The following CACNA2D3 variants were observed in gnomAD, a reference collection of about 807,000 sequenced individuals.
The protein encoded by CACNA2D3 is calcium voltage-gated channel auxiliary subunit alpha2delta 3.
CACNA2D3 carries 60 observed loss-of-function variants against 160.6 expected under a neutral mutation model. The observed-to-expected ratio is 0.37, with a 90% CI of 0.30 to 0.46. The LOEUF (loss-of-function observed/expected upper bound fraction) is 0.46. CACNA2D3 is among the 20% of genes least tolerant of loss of function. The pLI is 1.00. For synonymous variants in CACNA2D3, 558 were observed against 492.9 expected, an observed-to-expected ratio of 1.13 and a Z score of -1.75; for missense variants, 1,205 against 1,365.0, an observed-to-expected ratio of 0.88 and a Z score of 1.85.
chr3:54,414,690 T>G (rs1699725749), intron 4 of CACNA2D3, among the ~76,000 whole-genome samples: 1 of 152,016 alleles, frequency 6.6e-6, no homozygotes, highest in African/African-American at 2.4e-5. Context: ...TTTTCTATTG[T>G]GACTATAAGT....
At chr3:54,515,195 T>A (rs1350696916) in intron 5 of CACNA2D3, among the ~76,000 whole-genome samples, 4 of 142,812 alleles carry the variant, frequency 2.8e-5, no homozygotes, top group African/African-American at 1.1e-4. Flanking sequence ...TGTGTGTGTG[T>A]GTGTGAGAGA....
intron 4 of CACNA2D3, among the ~76,000 whole-genome samples, chr3:54,476,260 GTA>G (rs557345197): frequency 2.7e-5 from 4 of 148,232 alleles, no homozygotes; most frequent in East Asian, 2.0e-4. Context: ...GTGTGTGTGT[GTA>G]TATATATATA....
intron 4 of CACNA2D3, among the ~76,000 whole-genome samples, chr3:54,496,458 T>G (rs772694445): frequency 6.6e-6 from 1 of 152,196 alleles, no homozygotes; most frequent in Non-Finnish European, 1.5e-5. Context: ...CCTTCTTTTG[T>G]AAAGTGTCTG....
intron 2 of CACNA2D3, among the ~76,000 whole-genome samples, chr3:54,217,652 A>G (rs60828777): frequency 0.13 from 19,194 of 152,088 alleles, 1,712 homozygotes; most frequent in East Asian, 0.44. Context: ...AGGAACAGCA[A>G]GGAATGCCAG....
intron 2 of CACNA2D3, among the ~76,000 whole-genome samples, chr3:54,266,476 A>G (rs1702519646): frequency 6.6e-6 from 1 of 152,126 alleles, no homozygotes; most frequent in African/African-American, 2.4e-5. Flanking sequence ...GGAAAGAGAA[A>G]GGTGTTGGGT....
chr3:54,716,571 C>T (rs1475308403), intron 11 of CACNA2D3, among the ~76,000 whole-genome samples: 1 of 152,118 alleles, frequency 6.6e-6, no homozygotes, highest in Non-Finnish European at 1.5e-5. Context: ...AATATACATT[C>T]ATCTCTGGGT....
At chr3:54,791,969 A>G (rs1380174624) in intron 13 of CACNA2D3, among the ~76,000 whole-genome samples, 1 of 152,218 alleles carries the variant, frequency 6.6e-6, no homozygotes, top group Non-Finnish European at 1.5e-5. Flanking sequence ...GAATGCAAAA[A>G]CAATGAACCT....
intron 2 of CACNA2D3, among the ~76,000 whole-genome samples, chr3:54,140,531 A>T (rs767164081): frequency 6.6e-6 from 1 of 152,242 alleles, no homozygotes; most frequent in African/African-American, 2.4e-5. Flanking sequence ...TGCATAGCCC[A>T]GTGCTAACAC....
chr3:54,429,587 G>A (rs1699959032), intron 4 of CACNA2D3, among the ~76,000 whole-genome samples: 1 of 152,098 alleles, frequency 6.6e-6, no homozygotes, highest in African/African-American at 2.4e-5. Context: ...GAGCCGTTCA[G>A]TGAGAGTTGA....
chr3:54,214,993 A>T lies in CACNA2D3; in HGVS notation c.204+91399A>T, dbSNP rs552765318. The stretch of plus-strand genomic sequence containing the variant: ...AATACCCCAGAGTAGGGGTCCTCAG[A>T]TGTGACATCTTCCAGGCGTCAGTCA... On this transcript the variant is annotated intron_variant, in intron 2 of 37. Coordinates refer to ENST00000474759, the MANE Select transcript of CACNA2D3 (RefSeq NM_018398.3). Among the ~76,000 whole-genome samples, 17 of 152,204 alleles carry T rather than the reference A, an allele frequency of 1.1e-4. No individual in the cohort carries two copies. In the South Asian group the frequency reaches 3.5e-3, roughly 32 times the overall value.
At chr3:54,199,504 G>T (rs72972052) in intron 2 of CACNA2D3, among the ~76,000 whole-genome samples, 3,262 of 151,900 alleles carry the variant, frequency 0.021, 112 homozygotes, top group African/African-American at 0.073. Flanking sequence ...CCACAGGCAC[G>T]TGCTACCCGT....
intron 4 of CACNA2D3, among the ~76,000 whole-genome samples, chr3:54,463,314 T>G (rs914344296): frequency 1.3e-5 from 2 of 152,210 alleles, no homozygotes; most frequent in Admixed American, 6.5e-5. Flanking sequence ...TGAATCTGAA[T>G]GTTGGCTTGC....
chr3:55,054,231 C>T (rs1024450744), intron 35 of CACNA2D3, among the ~76,000 whole-genome samples: 6 of 151,766 alleles, frequency 4.0e-5, no homozygotes, highest in African/African-American at 1.2e-4. Context: ...TATTTTTTGA[C>T]TCATTTTCTC....
chr3:54,169,166 C>T (rs1351031576), intron 2 of CACNA2D3, among the ~76,000 whole-genome samples: 2 of 152,152 alleles, frequency 1.3e-5, no homozygotes, highest in African/African-American at 2.4e-5. Flanking sequence ...TGAAAAACTA[C>T]AGAACAAAAC....
In CACNA2D3 at chr3:54,169,685, ATGTG is replaced by A. The variant is rs549566015; in HGVS notation, c.204+46096_204+46099del. On this transcript the variant is annotated intron_variant, in intron 2 of 37. Coordinates refer to ENST00000474759, the MANE Select transcript of CACNA2D3 (RefSeq NM_018398.3). Reference sequence around the variant, plus strand: ...TGCGTGCGTGCTTGTATGTGTGTGTATGTGTGTGCATGTGTGTGTGCAAGTGTGC... The same window carrying A: ...TGCGTGCGTGCTTGTATGTGTGTGTATGTGCATGTGTGTGTGCAAGTGTGC... 6.2e-3 allele frequency among the ~76,000 whole-genome samples: 804 copies of A among 129,632 alleles called. 12 individuals are homozygous for A. Among genetic ancestry groups the A allele is most frequent in the African/African-American group, 0.02 (781 of 39,134 alleles). The allele number at this position is 129,632 out of a possible 152,430, so 85.0% of individuals were successfully genotyped here. A position where few individuals can be genotyped will look rare whatever the true frequency, so the allele number is the denominator to read the frequency against.
rs530275068 is a variant in CACNA2D3, at chr3:54,753,056, T to C, written c.1246+379T>C. Among the ~76,000 whole-genome samples the C allele has an allele frequency of 8.5e-5, 13 of 152,274 alleles. No individual in the cohort carries two copies. The South Asian group carries it at 1.4e-3, about 17-fold the overall frequency. ...TTGTATTTTTAGTAGAGACGGGGTT[T>C]CGCCATGTTGGCCAGGCTGGTCTAG... On this transcript the variant is annotated intron_variant, in intron 12 of 37. Transcript: ENST00000474759.
intron 2 of CACNA2D3, among the ~76,000 whole-genome samples, chr3:54,130,672 C>T (rs1254486053): frequency 2.0e-5 from 3 of 152,206 alleles, no homozygotes; most frequent in Non-Finnish European, 4.4e-5. Context: ...TGAGCAGGGT[C>T]TACACATCTG....
chr3:55,052,906 G>A (rs747159315), intron 35 of CACNA2D3, among the ~76,000 whole-genome samples: 8 of 152,052 alleles, frequency 5.3e-5, no homozygotes, highest in East Asian at 1.9e-4. Context: ...TAGATAGGAC[G>A]TAATTGGGTT....
intron 11 of CACNA2D3, among the ~76,000 whole-genome samples, chr3:54,739,124 A>G (rs1701589413): frequency 6.6e-6 from 1 of 151,804 alleles, no homozygotes; most frequent in Non-Finnish European, 1.5e-5. Flanking sequence ...GACTGTCTCA[A>G]TAGGAAAAAA....
Sources: allele counts gnomAD v4.1 joint callset (sites outside exome capture counted in the v4.1 genomes callset), GRCh38; gene constraint gnomAD v4.1.1; transcripts MANE v1.5; gene names NCBI Gene and HGNC (gene_info 2026-07-23, HGNC 2026-07-21).